CADPS: variants seen among roughly 807,000 people sequenced by gnomAD.
The protein encoded by CADPS is calcium-dependent secretion activator 1.
CADPS carries 57 observed loss-of-function variants against 167.3 expected under a neutral mutation model. That is an observed-to-expected ratio of 0.34 (90% CI 0.28 to 0.42). CADPS has a LOEUF of 0.42. Ranked by LOEUF, CADPS falls within the 20% of genes least tolerant of loss-of-function variation. The pLI, the probability that CADPS is intolerant of heterozygous loss-of-function variation, is 1.00. For synonymous variants in CADPS, 676 were observed against 635.3 expected (o/e 1.06, Z -0.96); for missense variants, 1,414 against 1,738.1 (o/e 0.81, Z 3.32).
intron 3 of CADPS, among the ~76,000 whole-genome samples, chr3:62,745,338 G>T (rs2081228580): frequency 6.6e-6 from 1 of 152,156 alleles, no homozygotes; most frequent in Admixed American, 6.5e-5. Context: ...CTCCCAAAGT[G>T]CTGGCATTAC....
At chr3:62,407,328 C>T (rs1430474358) in intron 28 of CADPS, among the ~76,000 whole-genome samples, 1 of 152,192 alleles carries the variant, frequency 6.6e-6, no homozygotes, top group African/African-American at 2.4e-5. Context: ...ACACAAGTAG[C>T]CCCTTAACCA....
In CADPS at chr3:62,874,803, C is replaced by G; in HGVS notation, c.227G>C (p.Gly76Ala). The G allele has an allele frequency of 5.9e-6, 7 of 1,176,944 alleles. No individual in the cohort carries two copies. Among genetic ancestry groups the G allele is most frequent in the Non-Finnish European group, 6.5e-6 (6 of 924,036 alleles). The allele number at this position is 1,176,944 out of a possible 1,614,324, so 72.9% of individuals were successfully genotyped here. A position where few individuals can be genotyped will look rare whatever the true frequency, so the allele number is the denominator to read the frequency against. ...GSGASSGGGA[G>A]GLQPSSRAGG... ...AGCGCGGCTGCTGGGTTGCAGCCCC[C>G]CGGCCCCGCCGCCGCTGCTCGCGCC... The change falls in exon 1 of 30, where the codon GGG becomes GCG. Residue 76 changes from glycine to alanine, a missense_variant. Gly to Ala is a moderately conservative substitution (Grantham distance 60). This residue lies in a region of CADPS where 522 missense variants were observed against 559.5 expected (regional missense o/e 0.93). Coordinates refer to ENST00000383710, the MANE Select transcript of CADPS (RefSeq NM_003716.4). This position sits in a 1 kb window ranked among gnomAD's most constrained non-coding sequence, Gnocchi z 7.1.
At chr3:62,498,034 C>T (rs1304389678) in intron 18 of CADPS, 4 of 443,916 alleles carry the variant, frequency 9.0e-6, no homozygotes, top group Non-Finnish European at 1.8e-5. Context: ...TTCCTTGGGT[C>T]AGTGTTAGAA....
chr3:62,764,054 A>C (rs2086231760), intron 2 of CADPS, among the ~76,000 whole-genome samples: 2 of 152,188 alleles, frequency 1.3e-5, no homozygotes, highest in South Asian at 4.1e-4. Flanking sequence ...TTATGCCATT[A>C]GTCAAATGAG....
chr3:62,799,670 T>C (rs1458686068), intron 1 of CADPS, among the ~76,000 whole-genome samples: 2 of 152,130 alleles, frequency 1.3e-5, no homozygotes, highest in African/African-American at 2.4e-5. Flanking sequence ...CTCAGCTATT[T>C]TTAATGTATA....
chr3:62,682,961 G>A (rs1425418163), intron 3 of CADPS, among the ~76,000 whole-genome samples: 1 of 152,066 alleles, frequency 6.6e-6, no homozygotes, highest in Non-Finnish European at 1.5e-5. Flanking sequence ...AAGATAAGTA[G>A]AAGTTAACCA....
At chr3:62,745,985 A>G (rs143192806) in intron 3 of CADPS, among the ~76,000 whole-genome samples, 59 of 152,318 alleles carry the variant, frequency 3.9e-4, no homozygotes, top group African/African-American at 1.4e-3. Flanking sequence ...TTGTTTCAGG[A>G]AGGAAAACAG....
chr3:62,467,261 G>C, intron 24 of CADPS: 1 of 1,150,622 alleles, frequency 8.7e-7, no homozygotes, highest in Non-Finnish European at 1.1e-6. Flanking sequence ...AAATAACAAT[G>C]CAAGACATTG....
At chr3:62,716,305 C>T (rs1513137) in intron 3 of CADPS, among the ~76,000 whole-genome samples, 95,173 of 151,926 alleles carry the variant, frequency 0.63, 30,392 homozygotes, top group East Asian at 0.77. Context: ...CCGTCCATCT[C>T]GGCCTCCCAA....
chr3:62,650,801 C>G, intron 5 of CADPS, 46 bp downstream of exon 5: 1 of 1,442,562 alleles, frequency 6.9e-7, no homozygotes, highest in Non-Finnish European at 9.7e-7. Flanking sequence ...TCGCCCATGT[C>G]CTACTTGCTG....
chr3:62,498,252 G>A (rs571251123), intron 18 of CADPS: 34 of 450,984 alleles, frequency 7.5e-5, no homozygotes, highest in African/African-American at 2.0e-4. Flanking sequence ...GATTTATGGC[G>A]TATTATATAT....
chr3:62,452,411 C>T (rs2058178723), intron 26 of CADPS, among the ~76,000 whole-genome samples: 1 of 152,198 alleles, frequency 6.6e-6, no homozygotes, highest in Non-Finnish European at 1.5e-5. Flanking sequence ...TTGAGAGCTA[C>T]ATAAGGCTAG....
intron 13 of CADPS, among the ~76,000 whole-genome samples, chr3:62,527,010 T>C (rs2151896124): frequency 6.6e-6 from 1 of 152,310 alleles, no homozygotes; most frequent in East Asian, 1.9e-4. Flanking sequence ...AGAGGGGTGC[T>C]TAGTAAAAGT....
At chr3:62,635,763 T>C (rs2066184635) in intron 6 of CADPS, among the ~76,000 whole-genome samples, 1 of 152,226 alleles carries the variant, frequency 6.6e-6, no homozygotes, top group East Asian at 1.9e-4. Context: ...TGGTCATCAG[T>C]ACTCTGAAGA....
intron 3 of CADPS, among the ~76,000 whole-genome samples, chr3:62,710,331 A>G (rs1422432107): frequency 1.3e-5 from 2 of 152,018 alleles, no homozygotes; most frequent in African/African-American, 4.8e-5. Flanking sequence ...GCCCTGGCCC[A>G]GACAATTAAA....
rs73095205 is a variant in CADPS, at chr3:62,739,257, C to T, written c.888+14184G>A. ...TGGAATCATTCCAACTGAAGTTATC[C>T]TAGATCAATCCATAGTCATCTGGCC... On this transcript the variant is annotated intron_variant, in intron 3 of 29. Coordinates refer to ENST00000383710, the MANE Select transcript of CADPS (RefSeq NM_003716.4). Among the ~76,000 whole-genome samples the T allele has an allele frequency of 9.9e-3, 1,510 of 152,212 alleles. 16 individuals are homozygous for T. Among genetic ancestry groups the T allele is most frequent in the South Asian group, 0.023 (111 of 4,818 alleles).
At chr3:62,845,728 G>A (rs995031428) in intron 1 of CADPS, among the ~76,000 whole-genome samples, 7 of 152,028 alleles carry the variant, frequency 4.6e-5, no homozygotes, top group Admixed American at 2.6e-4. Flanking sequence ...ATCTCTTCCT[G>A]TGATATTGTT....
At chr3:62,596,447 C>G (rs887531981) in intron 6 of CADPS, among the ~76,000 whole-genome samples, 1 of 152,210 alleles carries the variant, frequency 6.6e-6, no homozygotes, top group East Asian at 1.9e-4. Context: ...ATCCACCCAC[C>G]TTGGCCTCCC....
At chr3:62,683,342 G>A (rs1270610199) in intron 3 of CADPS, among the ~76,000 whole-genome samples, 1 of 151,996 alleles carries the variant, frequency 6.6e-6, no homozygotes, top group Non-Finnish European at 1.5e-5. Flanking sequence ...GCCAATGGTG[G>A]CCAAACCGAC....
Sources: allele counts gnomAD v4.1 joint callset (sites outside exome capture counted in the v4.1 genomes callset), GRCh38; gene constraint gnomAD v4.1.1; regional missense constraint gnomAD v4.1.1; non-coding constraint Gnocchi (gnomAD v3.1); transcripts MANE v1.5; gene names NCBI Gene and HGNC (gene_info 2026-07-23, HGNC 2026-07-21).